USP15: variants seen among roughly 807,000 people sequenced by gnomAD.
USP15 encodes the protein ubiquitin carboxyl-terminal hydrolase 15.
USP15 carries 18 observed loss-of-function variants against 127.1 expected under a neutral mutation model. That is an observed-to-expected ratio of 0.14 (90% CI 0.10 to 0.21). The LOEUF is 0.21. Among genes scored for constraint, USP15 ranks in the 10% least tolerant of loss-of-function variants. The probability of loss-of-function intolerance (pLI) is 1.00; values close to 1 mark genes in which losing one functional copy is unlikely to be tolerated. For missense variants in USP15, 805 were observed against 1,159.9 expected, an observed-to-expected ratio of 0.69 and a Z score of 4.44; for synonymous variants, 364 against 393.7, an observed-to-expected ratio of 0.92 and a Z score of 0.89.
At chr12:62,271,285 G>A (rs1338331923) in intron 1 of USP15, among the ~76,000 whole-genome samples, 1 of 151,932 alleles carries the variant, frequency 6.6e-6, no homozygotes, top group East Asian at 1.9e-4. Flanking sequence ...AGTCTTTGTG[G>A]AAATGCAGTT....
At chr12:62,277,195 A>G (rs914018122) in intron 1 of USP15, among the ~76,000 whole-genome samples, 4 of 152,184 alleles carry the variant, frequency 2.6e-5, no homozygotes, top group Non-Finnish European at 5.9e-5. Flanking sequence ...ACTCTTCTGA[A>G]TTCCACTTCC....
In USP15 at chr12:62,378,587, C is replaced by T. The variant is rs370327995; in HGVS notation, c.916-2903C>T. 2.6e-5 allele frequency among the ~76,000 whole-genome samples: 4 copies of T among 151,938 alleles called. No homozygotes were observed. In the East Asian group the frequency reaches 7.7e-4, roughly 29 times the overall value. ...TGAATTATAATCAGTTTGAAACCAG[C>T]ATGTATCACTGTGAAAATAAATGCT... On this transcript the variant is annotated intron_variant, in intron 8 of 21. Transcript: ENST00000280377.
At chr12:62,309,852 C>A (rs1033042147) in intron 3 of USP15, among the ~76,000 whole-genome samples, 6 of 150,624 alleles carry the variant, frequency 4.0e-5, no homozygotes, top group East Asian at 1.9e-4. Context: ...AAAAAAAAAA[C>A]TCCTAGAAAA....
At chr12:62,392,168 T>TC in intron 17 of USP15, 104 bp from the exon 18 acceptor site, 1 of 816,234 alleles carries the variant, frequency 1.2e-6, no homozygotes, top group South Asian at 1.7e-5. Flanking sequence ...TATGATTCTT[T>TC]TGAGAAAGTT....
chr12:62,389,800 T>C lies in USP15; in HGVS notation c.1656T>C (p.Phe552=). ...ATGGTCAGTTTTGTCCTTGTAGGTT[T>C]GAAATTAACATCAATAGGACAGAAG... ...SIMERDDIYV[F]EININRTEDT... is the part of the protein sequence containing the mutation. Residue 552 remains phenylalanine (F), a synonymous_variant, in exon 14 of 22, where the codon TTT becomes TTC. Transcript: ENST00000280377. The C allele has an allele frequency of 6.2e-7, 1 of 1,608,328 alleles. No homozygotes were observed. Among genetic ancestry groups the C allele is most frequent in the Non-Finnish European group, 8.5e-7 (1 of 1,176,892 alleles).
intron 14 of USP15, 141 bp from the exon 15 acceptor site, chr12:62,390,723 A>C (rs973431205): frequency 1.9e-6 from 1 of 540,168 alleles, no homozygotes; most frequent in African/African-American, 1.9e-5. Flanking sequence ...TATGGTACTA[A>C]AAGTTTGAAT....
chr12:62,403,759 T>C (rs1214555466), intron 21 of USP15, among the ~76,000 whole-genome samples: 1 of 152,030 alleles, frequency 6.6e-6, no homozygotes, highest in African/African-American at 2.4e-5. Context: ...TACACAGTGA[T>C]GATTGATGGA....
chr12:62,404,314 A>T lies in USP15; in HGVS notation c.2885A>T (p.Asp962Val). The stretch of plus-strand genomic sequence containing the variant: ...GCCACTGGCATCCCATTAGAAAGTG[A>T]TGAAGATAGCAATGATAATGACAAT... The part of the protein sequence containing the change: ...SAATGIPLES[D>V]EDSNDNDNDI... Residue 962 changes from aspartate to valine, a missense_variant, in exon 22 of 22, where the codon GAT (aspartate) becomes GTT (valine). Asp to Val is a radical substitution (Grantham distance 152). Coordinates refer to ENST00000280377, the MANE Select transcript of USP15 (RefSeq NM_001252078.2). 6.2e-7 allele frequency: 1 copy of T among 1,613,228 alleles called. No individual in the cohort carries two copies. The highest frequency in any genetic ancestry group is 8.5e-7 in the Non-Finnish European group (1 of 1,179,326).
At chr12:62,290,471 G>A (rs1415878063) in intron 1 of USP15, among the ~76,000 whole-genome samples, 1 of 151,992 alleles carries the variant, frequency 6.6e-6, no homozygotes, top group Admixed American at 6.6e-5. Flanking sequence ...GTATCTTTTT[G>A]CACCCCTTTC....
chr12:62,394,053 C>T (rs1304896099), intron 19 of USP15, among the ~76,000 whole-genome samples: 2 of 152,306 alleles, frequency 1.3e-5, no homozygotes, highest in Admixed American at 6.5e-5. Flanking sequence ...CCACCTTGAA[C>T]GTACCCTGAT....
chr12:62,399,136 A>G (rs1490582956), intron 20 of USP15, among the ~76,000 whole-genome samples: 1 of 152,172 alleles, frequency 6.6e-6, no homozygotes, highest in Non-Finnish European at 1.5e-5. Flanking sequence ...TCTGCTCTGC[A>G]CTGATCTTGG....
chr12:62,361,722 A>G (rs1486508324), intron 8 of USP15, among the ~76,000 whole-genome samples: 1 of 152,038 alleles, frequency 6.6e-6, no homozygotes, highest in East Asian at 1.9e-4. Context: ...AAGAAAATAA[A>G]AGGAAAGAAA....
intron 1 of USP15, among the ~76,000 whole-genome samples, chr12:62,290,781 A>G (rs553804301): frequency 6.6e-6 from 1 of 152,188 alleles, no homozygotes; most frequent in Admixed American, 6.5e-5. Context: ...ACTTCCCTTG[A>G]TCATTTTTGT....
Position 62,349,314 on chromosome 12 carries a change from A to G in USP15, c.770+7A>G. Reference sequence around the variant, plus strand: ...ACAACATGAACAACAGAAAGTAAGCACTGAATCTTAAAAACTCTTTGTTTA... The same window carrying G: ...ACAACATGAACAACAGAAAGTAAGCGCTGAATCTTAAAAACTCTTTGTTTA... On this transcript the variant is annotated splice_region_variant and intron_variant, in intron 7 of 21. Transcript: ENST00000280377. 7 of 1,455,684 alleles carry G rather than the reference A, an allele frequency of 4.8e-6. No homozygotes were observed. The highest frequency in any genetic ancestry group is 6.3e-6 in the Non-Finnish European group (7 of 1,103,166). The allele number at this position is 1,455,684 out of a possible 1,614,324, so 90.2% of individuals were successfully genotyped here.
intron 1 of USP15, among the ~76,000 whole-genome samples, chr12:62,284,006 T>C: frequency 6.6e-6 from 1 of 152,172 alleles, no homozygotes. Flanking sequence ...ATTTAATTAA[T>C]TGGGGAAAAA....
chr12:62,402,267 A>G (rs1440074238), intron 21 of USP15, among the ~76,000 whole-genome samples: 1 of 152,008 alleles, frequency 6.6e-6, no homozygotes, highest in African/African-American at 2.4e-5. Flanking sequence ...GAGATACACA[A>G]AAGACTCCAT....
intron 6 of USP15, chr12:62,334,218 T>C (rs1004708315): frequency 2.6e-5 from 4 of 152,200 alleles, no homozygotes; most frequent in Non-Finnish European, 4.4e-5. Flanking sequence ...TTTTTAAAGC[T>C]AAGTTTCTGA....
At chr12:62,270,065 A>G (rs2063312232) in intron 1 of USP15, among the ~76,000 whole-genome samples, 1 of 151,928 alleles carries the variant, frequency 6.6e-6, no homozygotes, top group Non-Finnish European at 1.5e-5. Flanking sequence ...ATATATAGCC[A>G]TCTTAGTGGA....
chr12:62,367,724 A>C (rs1251239711), intron 8 of USP15, among the ~76,000 whole-genome samples: 3 of 150,434 alleles, frequency 2.0e-5, no homozygotes, highest in Non-Finnish European at 4.5e-5. Flanking sequence ...TCTGGCTAGC[A>C]GTCTGTCTAT....
Sources: gnomAD v4.1 joint callset for allele counts (sites outside exome capture counted in the v4.1 genomes callset) on GRCh38, gnomAD v4.1.1 for gene constraint, MANE v1.5 for transcripts, NCBI Gene and HGNC (gene_info 2026-07-23, HGNC 2026-07-21) for gene names.